Variants in GFRA2 observed in about 807,000 individuals in gnomAD.
The protein encoded by GFRA2 is GDNF family receptor alpha 2.
In GFRA2, 17 loss-of-function variants were observed where a neutral mutation model predicts 48.3. That is an observed-to-expected ratio of 0.35 (90% CI 0.24 to 0.53). GFRA2 has a LOEUF of 0.53. Ranked by LOEUF, GFRA2 falls within the 20% of genes least tolerant of loss-of-function variation. The pLI is 0.93. For missense variants in GFRA2, 660 were observed against 637.3 expected, an observed-to-expected ratio of 1.04 and a Z score of -0.38; for synonymous variants, 305 against 257.2, an observed-to-expected ratio of 1.19 and a Z score of -1.78.
At chr8:21,799,494 C>T (rs906736984) in intron 2 of GFRA2, among the ~76,000 whole-genome samples, 9 of 151,838 alleles carry the variant, frequency 5.9e-5, no homozygotes, top group Admixed American at 4.6e-4. Flanking sequence ...CTGCACCCAG[C>T]CCTGACCAGA....
chr8:21,708,252 T>C (rs1236557159), intron 4 of GFRA2, among the ~76,000 whole-genome samples: 1 of 152,150 alleles, frequency 6.6e-6, no homozygotes, highest in East Asian at 1.9e-4. Context: ...ACCCTCTGCT[T>C]CCTCAAAACA....
At chr8:21,706,249 C>G (rs1585233702) in intron 4 of GFRA2, 2 of 647,910 alleles carry the variant, frequency 3.1e-6, no homozygotes, top group Admixed American at 2.2e-5. Flanking sequence ...CCCGGAGAGA[C>G]AGGCACATAG....
At chr8:21,798,058 A>G (rs1259278669) in intron 2 of GFRA2, among the ~76,000 whole-genome samples, 3 of 152,266 alleles carry the variant, frequency 2.0e-5, no homozygotes, top group East Asian at 3.9e-4. Flanking sequence ...GGACATTCCC[A>G]GGGGTACAGG....
chr8:21,773,833 T>C (rs1380817219), intron 3 of GFRA2, among the ~76,000 whole-genome samples: 1 of 152,188 alleles, frequency 6.6e-6, no homozygotes, highest in East Asian at 1.9e-4. Context: ...CCAGGGGACA[T>C]CTGGCCCTGT....
chr8:21,700,242 G>A (rs1253997878), intron 7 of GFRA2, among the ~76,000 whole-genome samples: 1 of 131,212 alleles, frequency 7.6e-6, no homozygotes, highest in African/African-American at 3.2e-5. Context: ...TTCAGACAAG[G>A]TATATATTTA....
At chr8:21,801,640 C>T (rs1807772563) in intron 2 of GFRA2, among the ~76,000 whole-genome samples, 1 of 149,208 alleles carries the variant, frequency 6.7e-6, no homozygotes, top group Non-Finnish European at 1.5e-5. Flanking sequence ...CATTAGACAC[C>T]TATTGTGCTC....
intron 4 of GFRA2, among the ~76,000 whole-genome samples, chr8:21,725,145 C>A (rs1162871545): frequency 6.6e-6 from 1 of 152,222 alleles, no homozygotes; most frequent in Non-Finnish European, 1.5e-5. Context: ...CAAAGCAGAA[C>A]CAGCCAGTCT....
chr8:21,799,989 A>G (rs1251748883), intron 2 of GFRA2, among the ~76,000 whole-genome samples: 1 of 152,292 alleles, frequency 6.6e-6, no homozygotes, highest in African/African-American at 2.4e-5. Flanking sequence ...TTCCCATTGC[A>G]TGGTGCACTT....
chr8:21,707,568 G>A (rs909180508), intron 4 of GFRA2, among the ~76,000 whole-genome samples: 4 of 152,150 alleles, frequency 2.6e-5, no homozygotes, highest in Non-Finnish European at 5.9e-5. Flanking sequence ...CCTGGGATGT[G>A]CCCCAGGACC....
In GFRA2 at chr8:21,702,878, G is replaced by A. The variant is rs760986087; in HGVS notation, c.1145C>T (p.Pro382Leu). 1.8e-5 allele frequency: 29 copies of A among 1,608,742 alleles called. No homozygotes were observed. In the Admixed American group the frequency reaches 4.7e-4, roughly 26 times the overall value. ...GTCACTGAGGTCATCTGGCAAAGAA[G>A]GCGTCTTCTCCACCCGAGGGGCCTG... ...ATQAPRVEKT[P>L]SLPDDLSDST... Residue 382 changes from proline (P) to leucine (L), a missense_variant, in exon 7 of 9, where the codon CCT becomes CTT. Pro to Leu is a moderately conservative substitution (Grantham distance 98). Coordinates refer to ENST00000524240, the MANE Select transcript of GFRA2 (RefSeq NM_001495.5).
upstream of GFRA2, chr8:21,790,194 G>A: frequency 2.9e-6 from 2 of 692,446 alleles, no homozygotes; most frequent in Non-Finnish European, 3.6e-6. Flanking sequence ...CGGGAGAGGC[G>A]CGGGGTCGCG....
At chr8:21,788,916 T>A, upstream of GFRA2, 1 of 499,772 alleles carries the variant, frequency 2.0e-6, no homozygotes, top group South Asian at 8.3e-5. Context: ...CCACTCTCCC[T>A]GCTCCTCCCT....
At chr8:21,770,039 C>T (rs1238216927) in intron 3 of GFRA2, among the ~76,000 whole-genome samples, 1 of 152,290 alleles carries the variant, frequency 6.6e-6, no homozygotes, top group South Asian at 2.1e-4. Flanking sequence ...GAGGCCAGGC[C>T]GCTCACCAGC....
rs921643638 is a variant in GFRA2, at chr8:21,716,097, C to T, written c.795-10056G>A. ...TAGCACTTTGGGAAGCAGAGGCAGG[C>T]GGATTACTTGAGGTCAAGAGTTCAA... is the stretch of plus-strand genomic sequence containing the variant. On this transcript the variant is annotated intron_variant, in intron 4 of 8. Transcript: ENST00000524240. Among the ~76,000 whole-genome samples the T allele has an allele frequency of 3.9e-5, 6 of 152,180 alleles. No homozygotes were observed. In the South Asian group the frequency reaches 6.2e-4, roughly 16 times the overall value.
Position 21,799,967 on chromosome 8 carries a change from G to A in GFRA2, c.-36+5050C>T, listed in dbSNP as rs1807742735. ...AGGTAGTCAGAGCCTCTGTACCTCT[G>A]GCCCCCTGGTGTTCCCATTGCATGG... is the stretch of plus-strand genomic sequence containing the variant. On this transcript the variant is annotated intron_variant, in intron 2 of 10. Coordinates refer to the GFRA2 transcript ENST00000517328. Among the ~76,000 whole-genome samples the A allele has an allele frequency of 2.0e-5, 3 of 152,268 alleles. No homozygotes were observed. The South Asian group carries it at 6.2e-4, about 32-fold the overall frequency.
At chr8:21,793,430 A>G (rs1046677423), upstream of GFRA2, among the ~76,000 whole-genome samples, 5 of 152,156 alleles carry the variant, frequency 3.3e-5, no homozygotes, top group African/African-American at 1.2e-4. Flanking sequence ...AATTGGCATG[A>G]TGCTGGAACA....
At chr8:21,741,835 T>C (rs1167983508) in intron 4 of GFRA2, among the ~76,000 whole-genome samples, 1 of 150,496 alleles carries the variant, frequency 6.6e-6, no homozygotes, top group Non-Finnish European at 1.5e-5. Context: ...GGCAGGAGAA[T>C]CGCTTGAACC....
chr8:21,712,425 C>A (rs1381675300), intron 4 of GFRA2, among the ~76,000 whole-genome samples: 1 of 150,976 alleles, frequency 6.6e-6, no homozygotes, highest in Non-Finnish European at 1.5e-5. Context: ...CGGGCAGAGA[C>A]GCTCCTCACT....
intron 3 of GFRA2, among the ~76,000 whole-genome samples, chr8:21,770,350 C>T (rs994668412): frequency 2.0e-5 from 3 of 152,372 alleles, no homozygotes; most frequent in South Asian, 4.1e-4. Context: ...AGGCCAAGCA[C>T]TCACCTGCAC....
Sources: allele counts gnomAD v4.1 joint callset (sites outside exome capture counted in the v4.1 genomes callset), GRCh38; gene constraint gnomAD v4.1.1; transcripts MANE v1.5; gene names NCBI Gene and HGNC (gene_info 2026-07-23, HGNC 2026-07-21).